NEK11: variants seen among roughly 807,000 people sequenced by gnomAD.
NEK11 encodes serine/threonine-protein kinase Nek11.
Under a neutral mutation model 80.7 loss-of-function variants are expected in NEK11, and 72 were observed. The ratio of observed to expected loss-of-function variants is 0.89; its 90% CI spans 0.74 to 1.08. The LOEUF is 1.08. Ranked by LOEUF, NEK11 falls within the 50% of genes least tolerant of loss-of-function variation. The probability of loss-of-function intolerance (pLI) is 0.00; values close to 1 mark genes in which losing one functional copy is unlikely to be tolerated. For synonymous variants in NEK11, 251 were observed against 260.7 expected (o/e 0.96, Z 0.36); for missense variants, 764 against 763.6 (o/e 1.00, Z -0.01).
intron 5 of NEK11, among the ~76,000 whole-genome samples, chr3:131,128,484 A>G (rs937155001): frequency 6.6e-6 from 1 of 152,210 alleles, no homozygotes; most frequent in Non-Finnish European, 1.5e-5. Context: ...ATGCCTTAAT[A>G]GCTCATATCT....
At chr3:131,289,716 GA>G (rs1287219223) in intron 17 of NEK11, among the ~76,000 whole-genome samples, 3 of 152,156 alleles carry the variant, frequency 2.0e-5, no homozygotes, top group African/African-American at 7.2e-5. Context: ...TACAGTTCCA[GA>G]CCTGCCAGCA....
At chr3:131,050,074 C>T (rs1444576003) in intron 3 of NEK11, among the ~76,000 whole-genome samples, 1 of 152,192 alleles carries the variant, frequency 6.6e-6, no homozygotes, top group African/African-American at 2.4e-5. Flanking sequence ...GGGGGTGTCC[C>T]CTCAGCAGCT....
intron 4 of NEK11, among the ~76,000 whole-genome samples, chr3:131,104,513 TCAGTTGCCTCTGGGAGCTCCATCC>T (rs1474161762): frequency 4.6e-5 from 7 of 152,004 alleles, no homozygotes; most frequent in Non-Finnish European, 8.8e-5. Context: ...AGCAGGCTTG[TCAGTTGCCTCTGGGAGCTCCATCC>T]CAGAGGAAAG....
At chr3:131,228,773 G>T in intron 15 of NEK11, 85 bp downstream of exon 15, 1 of 1,375,768 alleles carries the variant, frequency 7.3e-7, no homozygotes, top group Non-Finnish European at 9.8e-7. Context: ...GTCTTATAAG[G>T]TGAAGTTGGG....
rs1226589922 is a variant in NEK11, at chr3:131,168,882, G to A, written c.1229G>A (p.Arg410Lys). The A allele has an allele frequency of 1.2e-6, 2 of 1,614,044 alleles. No individual in the cohort carries two copies. The highest frequency in any genetic ancestry group is 1.7e-5 in the Admixed American group (1 of 60,018). ...GAAAAGGAGGAGCAACCTGAGGGAA[G>A]ACTTTCTTGTTCACCCCAGGACGAG... ...MEEKEEQPEG[R>K]LSCSPQDEDE... Residue 410 changes from arginine to lysine, a missense_variant, in exon 13 of 18, where the codon AGA (arginine) becomes AAA (lysine). Physicochemically the swap from Arg to Lys is conservative, Grantham distance 26 (BLOSUM62 2). Coordinates refer to ENST00000383366, the MANE Select transcript of NEK11 (RefSeq NM_024800.5).
At position 131,079,264 on chromosome 3, in the gene NEK11, A is replaced by C. The variant is rs748821327; in HGVS notation, c.171-1159A>C. Among the ~76,000 whole-genome samples, 12 of 152,278 alleles carry C rather than the reference A, an allele frequency of 7.9e-5. 1 individual carries two copies. In the East Asian group the frequency reaches 2.3e-3, roughly 29 times the overall value. On this transcript the variant is annotated intron_variant, in intron 3 of 17. Transcript: ENST00000383366. ...AGAAGTTCATGGGCATGCCAAGGAG[A>C]GCTTATTAGCTGGAGGCATTCCCTG...
chr3:131,109,762 A>G (rs1248173903), intron 4 of NEK11, 41 bp from the exon 5 acceptor site: 1 of 1,545,284 alleles, frequency 6.5e-7, no homozygotes, highest in Non-Finnish European at 8.7e-7. Flanking sequence ...ATTTTAACAT[A>G]TTAGCTGAAA....
intron 17 of NEK11, among the ~76,000 whole-genome samples, chr3:131,286,127 T>TCTCATTGA (rs2096467337): frequency 6.6e-6 from 1 of 152,238 alleles, no homozygotes; most frequent in Non-Finnish European, 1.5e-5. Flanking sequence ...TGAGTTAGTG[T>TCTCATTGA]CTCATTGACT....
At chr3:131,086,382 G>A in intron 4 of NEK11, among the ~76,000 whole-genome samples, 1 of 151,948 alleles carries the variant, frequency 6.6e-6, no homozygotes, top group Non-Finnish European at 1.5e-5. Context: ...TTTACTAATT[G>A]GTATTCCACT....
intron 14 of NEK11, among the ~76,000 whole-genome samples, chr3:131,206,292 T>A (rs1160075380): frequency 6.6e-6 from 1 of 152,232 alleles, no homozygotes; most frequent in Non-Finnish European, 1.5e-5. Flanking sequence ...CAGTTTACCA[T>A]GAATACTTAG....
At chr3:131,152,203 T>G (rs150507740) in intron 7 of NEK11, among the ~76,000 whole-genome samples, 185 bp from the exon 8 acceptor site, 1,644 of 144,324 alleles carry the variant, frequency 0.011, 35 homozygotes, top group African/African-American at 0.04. Flanking sequence ...ACTTTTTTGG[T>G]TTTTTTTTTG....
intron 3 of NEK11, among the ~76,000 whole-genome samples, chr3:131,037,812 C>A (rs980618864): frequency 6.6e-6 from 1 of 152,118 alleles, no homozygotes; most frequent in African/African-American, 2.4e-5. Context: ...AACAAAACAT[C>A]AATAGATTTA....
At chr3:131,095,885 A>C (rs2077358735) in intron 4 of NEK11, among the ~76,000 whole-genome samples, 2 of 152,222 alleles carry the variant, frequency 1.3e-5, no homozygotes, top group African/African-American at 4.8e-5. Flanking sequence ...TAAAATAATT[A>C]AAATAGGATC....
At chr3:131,257,152 AT>A (rs5852620) in intron 16 of NEK11, among the ~76,000 whole-genome samples, 109,683 of 143,612 alleles carry the variant, frequency 0.76, 41,803 homozygotes, top group African/African-American at 0.85. Context: ...TGCCTGGCTA[AT>A]TTTTTTTTTT....
chr3:131,216,970 A>C lies in NEK11; in HGVS notation c.1400-11558A>C, dbSNP rs546088563. On this transcript the variant is annotated intron_variant, in intron 14 of 17. Coordinates refer to ENST00000383366, the MANE Select transcript of NEK11 (RefSeq NM_024800.5). Reference sequence around the variant, plus strand: ...TCCAGCAGGGGCCCATGGTATCATAAAAGGGGATGAGTCACCAGGGAAAGG... The same window carrying C: ...TCCAGCAGGGGCCCATGGTATCATACAAGGGGATGAGTCACCAGGGAAAGG... 3.9e-5 allele frequency among the ~76,000 whole-genome samples: 6 copies of C among 152,270 alleles called. No homozygotes were observed. The South Asian group carries it at 1.2e-3, about 32-fold the overall frequency.
intron 7 of NEK11, among the ~76,000 whole-genome samples, chr3:131,137,210 T>A (rs960153495): frequency 1.2e-4 from 18 of 152,102 alleles, no homozygotes; most frequent in African/African-American, 3.1e-4. Flanking sequence ...GCTTTCATGA[T>A]CTTGGGGCAG....
intron 16 of NEK11, among the ~76,000 whole-genome samples, chr3:131,264,589 A>G (rs2096008470): frequency 6.6e-6 from 1 of 152,214 alleles, no homozygotes; most frequent in Admixed American, 6.5e-5. Context: ...TTTTGGGACC[A>G]GTACCATGCT....
At chr3:131,114,050 G>A (rs1157336800) in intron 5 of NEK11, among the ~76,000 whole-genome samples, 1 of 151,828 alleles carries the variant, frequency 6.6e-6, no homozygotes, top group Non-Finnish European at 1.5e-5. Context: ...GTGAGGAGGG[G>A]GAGGAAGTTG....
intron 12 of NEK11, among the ~76,000 whole-genome samples, chr3:131,166,543 C>A (rs766572105): frequency 1.3e-5 from 2 of 152,228 alleles, no homozygotes; most frequent in Non-Finnish European, 2.9e-5. Flanking sequence ...AGAGGCCTAG[C>A]TTCCTCTAAT....
Sources: gnomAD v4.1 joint callset for allele counts (sites outside exome capture counted in the v4.1 genomes callset) on GRCh38, gnomAD v4.1.1 for gene constraint, MANE v1.5 for transcripts, NCBI Gene and HGNC (gene_info 2026-07-23, HGNC 2026-07-21) for gene names.